ALG1: variants seen among roughly 807,000 people sequenced by gnomAD.
ALG1 encodes the protein chitobiosyldiphosphodolichol beta-mannosyltransferase.
Under a neutral mutation model 55.1 loss-of-function variants are expected in ALG1, and 58 were observed. The observed-to-expected ratio is 1.05, with a 90% CI of 0.85 to 1.31. The LOEUF (loss-of-function observed/expected upper bound fraction) is 1.31, where lower values mean the gene tolerates loss of function less well. Ranked by LOEUF, ALG1 falls within the 50% of genes most tolerant of loss-of-function variation. The probability of loss-of-function intolerance (pLI) is 0.00; values close to 1 mark genes in which losing one functional copy is unlikely to be tolerated. For synonymous variants in ALG1, 309 were observed against 247.0 expected (o/e 1.25, Z -2.35); for missense variants, 761 against 598.6 (o/e 1.27, Z -2.83).
At chr16:5,073,963 C>T (rs770048063) in intron 3 of ALG1, among the ~76,000 whole-genome samples, 2 of 152,234 alleles carry the variant, frequency 1.3e-5, no homozygotes, top group Non-Finnish European at 2.9e-5. Context: ...AATCCGCCCC[C>T]CTCGGCGTCC....
At chr16:5,084,520 C>T in intron 12 of ALG1, 3 of 706,780 alleles carry the variant, frequency 4.2e-6, no homozygotes, top group East Asian at 2.7e-5. Context: ...GGAGGTGCTC[C>T]AGGGCACCAA....
In ALG1 at chr16:5,073,188, G is replaced by A. The variant is rs771007321; in HGVS notation, c.322G>A (p.Val108Ile). ...PRVFQYGVKV[V>I]LQAMYLLWKL... ...AGTTTTCCAGTACGGAGTCAAAGTT[G>A]TACTTCAGGCTATGTACTTGCTGTG... Residue 108 changes from valine (V) to isoleucine (I), a missense_variant, in exon 3 of 13, where the codon GTA becomes ATA. Coordinates refer to ENST00000262374, the MANE Select transcript of ALG1 (RefSeq NM_019109.5). 4.3e-6 allele frequency: 7 copies of A among 1,614,208 alleles called. No individual in the cohort carries two copies. Among genetic ancestry groups the A allele is most frequent in the South Asian group, 1.1e-5 (1 of 91,084 alleles).
intron 3 of ALG1, 56 bp from the exon 4 acceptor site, chr16:5,075,332 G>A (rs1476149066): frequency 1.0e-5 from 16 of 1,580,288 alleles, no homozygotes; most frequent in Admixed American, 1.7e-5. Flanking sequence ...TTTTTACTGG[G>A]TTTATTGCCT....
intron 1 of ALG1, chr16:5,072,313 A>T (rs1956830586): frequency 7.2e-7 from 1 of 1,388,194 alleles, no homozygotes; most frequent in Non-Finnish European, 9.4e-7. Context: ...AGTAAGTGGA[A>T]CCCAGGTGCG....
chr16:5,074,002 A>C (rs1596252992), intron 3 of ALG1, among the ~76,000 whole-genome samples: 1 of 152,172 alleles, frequency 6.6e-6, no homozygotes, highest in Non-Finnish European at 1.5e-5. Context: ...GGCGTGCGCC[A>C]CCGCGCCTGG....
intron 9 of ALG1, 68 bp downstream of exon 9, chr16:5,079,875 T>A (rs533930601): frequency 6.5e-7 from 1 of 1,545,332 alleles, no homozygotes; most frequent in African/African-American, 1.4e-5. Context: ...ACGCAGCCTT[T>A]ACCCTGTGCT....
chr16:5,082,704 T>C, intron 11 of ALG1, 31 bp downstream of exon 11: 3 of 1,608,848 alleles, frequency 1.9e-6, no homozygotes, highest in Non-Finnish European at 2.5e-6. Context: ...CTTCTGGGGA[T>C]AGCTTTGCAG....
At chr16:5,075,339 G>T (rs1189122348) in intron 3 of ALG1, 49 bp from the exon 4 acceptor site, 1 of 1,595,096 alleles carries the variant, frequency 6.3e-7, no homozygotes. Flanking sequence ...TGGGTTTATT[G>T]CCTAGCATGG....
intron 7 of ALG1, 34 bp downstream of exon 7, chr16:5,078,912 G>C (rs1322777754): frequency 5.6e-6 from 9 of 1,609,350 alleles, no homozygotes; most frequent in Non-Finnish European, 7.6e-6. Flanking sequence ...TGGGGTTGGT[G>C]TGACGGGCAC....
chr16:5,073,925 G>C (rs1003431095), intron 3 of ALG1, among the ~76,000 whole-genome samples: 1 of 152,164 alleles, frequency 6.6e-6, no homozygotes, highest in Admixed American at 6.5e-5. Context: ...ATGTTGGCCA[G>C]GCTGTTCTCG....
intron 6 of ALG1, 56 bp from the exon 7 acceptor site, chr16:5,078,701 C>G (rs1956958829): frequency 6.2e-7 from 1 of 1,611,670 alleles, no homozygotes; most frequent in Non-Finnish European, 8.5e-7. Context: ...AGATGCCTCT[C>G]CTGGGTCCCG....
In ALG1 at chr16:5,085,779, G is replaced by T. The variant is rs773216565; in HGVS notation, c.*898G>T. 17 of 1,406,058 alleles carry T rather than the reference G, an allele frequency of 1.2e-5. No homozygotes were observed. In the South Asian group the frequency reaches 1.6e-4, roughly 13 times the overall value. The allele number at this position is 1,406,058 out of a possible 1,614,324, so 87.1% of individuals were successfully genotyped here. A position where few individuals can be genotyped will look rare whatever the true frequency, so the allele number is the denominator to read the frequency against. The stretch of plus-strand genomic sequence containing the variant: ...TTGAGGATGGCGGTGTTTGGGGACA[G>T]GACATGAGGGTATTGTGTGGGGCTG... On this transcript the variant is annotated 3_prime_UTR_variant, in exon 13 of 13. Transcript: ENST00000262374.
chr16:5,085,757 A>T lies in ALG1; in HGVS notation c.*876A>T. 1 of 1,564,674 alleles carries T rather than the reference A, an allele frequency of 6.4e-7. No homozygotes were observed. The highest frequency in any genetic ancestry group is 8.8e-7 in the Non-Finnish European group (1 of 1,136,894). On this transcript the variant is annotated 3_prime_UTR_variant, in exon 13 of 13. Coordinates refer to ENST00000262374, the MANE Select transcript of ALG1 (RefSeq NM_019109.5). ...CCTGGAAACAGAGCACATGTGTTTG[A>T]GGATGGCGGTGTTTGGGGACAGGAC... is the stretch of plus-strand genomic sequence containing the variant.
At position 5,077,497 on chromosome 16, in the gene ALG1, G is replaced by A. The variant is rs1351552189; in HGVS notation, c.592G>A (p.Ala198Thr). Residue 198 changes from alanine to threonine, a missense_variant, in exon 5 of 13, where the codon GCT becomes ACT. Coordinates refer to ENST00000262374, the MANE Select transcript of ALG1 (RefSeq NM_019109.5). ...LSHLNLCVTNAMREDLADNWH... is the reference protein window; with the variant it reads ...LSHLNLCVTNTMREDLADNWH... ...CCACCTGAACCTGTGTGTTACCAAT[G>A]CTATGCGAGAAGACCTGGCGGATAA... 6.2e-7 allele frequency: 1 copy of A among 1,614,196 alleles called. No homozygotes were observed.
chr16:5,078,531 G>A, intron 6 of ALG1: 1 of 792,100 alleles, frequency 1.3e-6, no homozygotes, highest in Non-Finnish European at 2.1e-6. Context: ...GTCCCGTGGA[G>A]AAAAGGAATG....
chr16:5,085,712 C>T lies in ALG1; in HGVS notation c.*831C>T. 1.2e-6 allele frequency: 2 copies of T among 1,611,700 alleles called. No homozygotes were observed. The highest frequency in any genetic ancestry group is 1.7e-6 in the Non-Finnish European group (2 of 1,179,642). On this transcript the variant is annotated 3_prime_UTR_variant, in exon 13 of 13. Transcript: ENST00000262374. The stretch of plus-strand genomic sequence containing the variant: ...TTCTGCTCATGACGAGGTTCCACTT[C>T]CCATCTGATCCCGGCCCGGCCTGGA...
rs1957143173 is a variant in ALG1 at position 5,085,826 on chromosome 16, A to T, written c.*945A>T. On this transcript the variant is annotated 3_prime_UTR_variant, in exon 13 of 13. Coordinates refer to ENST00000262374, the MANE Select transcript of ALG1 (RefSeq NM_019109.5). ...GCTGCTAGGACAGGCCTGGCGGGGT[A>T]GGGGGGTGTCCAAGTCAGTTTACTT... 2.0e-6 allele frequency: 2 copies of T among 985,852 alleles called. No homozygotes were observed. The highest frequency in any genetic ancestry group is 3.2e-5 in the African/African-American group (2 of 62,642). The allele number at this position is 985,852 out of a possible 1,614,324, so 61.1% of individuals were successfully genotyped here. A position where few individuals can be genotyped will look rare whatever the true frequency, so the allele number is the denominator to read the frequency against.
In ALG1 at chr16:5,077,586, T is replaced by A. The variant is rs777862800; in HGVS notation, c.629+52T>A. ...CTGGGAGAGGCGCGGGGCCCCTGAT[T>A]GGCTGCAGTGAGAGCTGCCTTGCCT... On this transcript the variant is annotated intron_variant, in intron 5 of 12. Coordinates refer to ENST00000262374, the MANE Select transcript of ALG1 (RefSeq NM_019109.5). 9 of 1,549,866 alleles carry A rather than the reference T, an allele frequency of 5.8e-6. No individual in the cohort carries two copies. In the African/African-American group the frequency reaches 1.2e-4, roughly 21 times the overall value.
chr16:5,078,987 A>G lies in ALG1; in HGVS notation c.863-77A>G, dbSNP rs1386551724. On this transcript the variant is annotated intron_variant, in intron 7 of 12. Transcript: ENST00000262374. ...ATGCTCCCACCCTGCCACGGTCTCA[A>G]TGAGAACGGGAGGGCCTGTGAGCTG... is the stretch of plus-strand genomic sequence containing the variant. 21 of 1,596,568 alleles carry G rather than the reference A, an allele frequency of 1.3e-5. No individual in the cohort carries two copies. In the Middle Eastern group the frequency reaches 6.8e-4, roughly 51 times the overall value.
Sources: gnomAD v4.1 joint callset for allele counts (sites outside exome capture counted in the v4.1 genomes callset) on GRCh38, gnomAD v4.1.1 for gene constraint, MANE v1.5 for transcripts, NCBI Gene and HGNC (gene_info 2026-07-23, HGNC 2026-07-21) for gene names.